Variants in LRRC42 observed in about 807,000 individuals in gnomAD.
LRRC42 encodes the protein leucine rich repeat containing 42.
Under a neutral mutation model 44.3 loss-of-function variants are expected in LRRC42, and 43 were observed. That is an observed-to-expected ratio of 0.97 (90% CI 0.76 to 1.25). LRRC42 has a LOEUF of 1.25. LRRC42 is among the 50% of genes most tolerant of loss of function. The pLI is 0.00. For missense variants in LRRC42, 540 were observed against 509.1 expected (o/e 1.06, Z -0.58); for synonymous variants, 207 against 195.2 (o/e 1.06, Z -0.50).
intron 2 of LRRC42, among the ~76,000 whole-genome samples, chr1:53,951,224 T>G (rs183228360): frequency 3.9e-5 from 6 of 152,388 alleles, no homozygotes; most frequent in African/African-American, 1.2e-4. Context: ...ATTCATAATT[T>G]TAATGGCTTT....
Position 53,966,395 on chromosome 1 carries a change from T to G in LRRC42, c.1012+15T>G. 1 of 1,606,002 alleles carries G rather than the reference T, an allele frequency of 6.2e-7. No individual in the cohort carries two copies. Among genetic ancestry groups the G allele is most frequent in the Non-Finnish European group, 8.5e-7 (1 of 1,172,894 alleles). ...TCAGCGCTTCTGTGAGAAATTCCCTTTCCTTTGAAGTTTTTTGCCCTTTAT... is the reference window on the plus strand; with the variant it reads ...TCAGCGCTTCTGTGAGAAATTCCCTGTCCTTTGAAGTTTTTTGCCCTTTAT... On this transcript the variant is annotated intron_variant, in intron 8 of 8. Coordinates refer to ENST00000371370, the MANE Select transcript of LRRC42 (RefSeq NM_001256409.2).
intron 1 of LRRC42, among the ~76,000 whole-genome samples, chr1:53,947,538 G>T (rs1654542410): frequency 6.6e-6 from 1 of 152,160 alleles, no homozygotes; most frequent in East Asian, 1.9e-4. Context: ...AGGTTTTTAT[G>T]TTAGAAATTT....
chr1:53,961,805 C>A (rs1439529881), intron 5 of LRRC42: 2 of 481,934 alleles, frequency 4.1e-6, no homozygotes, highest in African/African-American at 4.0e-5. Context: ...TCACCCCCAA[C>A]TCCTAGAAAG....
In LRRC42 at chr1:53,946,391, C is replaced by G. The variant is rs1019746966; in HGVS notation, c.-207C>G. On this transcript the variant is annotated 5_prime_UTR_variant, in exon 1 of 9. Coordinates refer to ENST00000371370, the MANE Select transcript of LRRC42 (RefSeq NM_001256409.2). ...CCGCCGGTCCCGCGGTCCCACGGCG[C>G]CTGGTTGCCCCCAGCCCCCTCCCTC... The G allele has an allele frequency of 7.9e-5, 12 of 152,428 alleles. No homozygotes were observed. Among genetic ancestry groups the G allele is most frequent in the Admixed American group, 7.8e-4 (12 of 15,296 alleles). 9.4% of individuals were successfully genotyped at this position (152,428 alleles called of 1,614,324 possible).
chr1:53,950,463 G>A (rs983331972), intron 2 of LRRC42, among the ~76,000 whole-genome samples: 1 of 152,284 alleles, frequency 6.6e-6, no homozygotes, highest in South Asian at 2.1e-4. Context: ...CAGGTTCATT[G>A]TTTCATCTCC....
chr1:53,962,346 C>T lies in LRRC42; in HGVS notation c.864C>T (p.His288=). ...TCCAGACCCACATAGGCCTTGTTCA[C>T]TCCAAAGTGCCTTTGAAGGAATTTG... ...HKLQTHIGLV[H]SKVPLKEFDH... is the part of the protein sequence containing the mutation. Residue 288 remains histidine (H), a synonymous_variant, in exon 7 of 9, where the codon CAC becomes CAT. Coordinates refer to ENST00000371370, the MANE Select transcript of LRRC42 (RefSeq NM_001256409.2). The T allele has an allele frequency of 6.2e-6, 10 of 1,614,204 alleles. No homozygotes were observed. The highest frequency in any genetic ancestry group is 8.5e-6 in the Non-Finnish European group (10 of 1,180,018).
Position 53,964,995 on chromosome 1 carries a change from A to ATTTTTTTTTTTTTT in LRRC42, c.928-1299_928-1298insTTTTTTTTTTTTTT, listed in dbSNP as rs1557649612. On this transcript the variant is annotated intron_variant, in intron 7 of 8. Coordinates refer to ENST00000371370, the MANE Select transcript of LRRC42 (RefSeq NM_001256409.2). ...GCCACTGTGCCTGGCCTGGAACTGTATTGTTTTTTTTTGTTTTTTTTTTTT... is the reference window on the plus strand; with the variant it reads ...GCCACTGTGCCTGGCCTGGAACTGTATTTTTTTTTTTTTTTTGTTTTTTTTTGTTTTTTTTTTTT... 2.4e-4 allele frequency among the ~76,000 whole-genome samples: 33 copies of ATTTTTTTTTTTTTT among 137,702 alleles called. 1 individual carries two copies. Among genetic ancestry groups the ATTTTTTTTTTTTTT allele is most frequent in the African/African-American group, 1.0e-3 (33 of 32,794 alleles). The allele number at this position is 137,702 out of a possible 152,430, so 90.3% of individuals were successfully genotyped here.
chr1:53,963,957 C>A (rs1445736826), intron 7 of LRRC42, among the ~76,000 whole-genome samples: 1 of 125,308 alleles, frequency 8.0e-6, no homozygotes, highest in Non-Finnish European at 1.7e-5. Flanking sequence ...ACCCCCCCCC[C>A]ATCTTCATTG....
At position 53,966,305 on chromosome 1, in the gene LRRC42, C is replaced by T; in HGVS notation, c.937C>T (p.Gln313Ter). ...TEGWADQIVL[Q>*]WERVTAEAVK... is the part of the protein sequence containing the mutation. Reference sequence around the variant, plus strand: ...TCCAAATATGTTTCAGATCGTTCTGCAGTGGGAGCGTGTGACTGCGGAAGC... The same window carrying T: ...TCCAAATATGTTTCAGATCGTTCTGTAGTGGGAGCGTGTGACTGCGGAAGC... Residue 313 changes from glutamine (Q) to a stop codon, truncating the protein, a stop_gained, in exon 8 of 9, where the codon CAG becomes TAG. Coordinates refer to ENST00000371370, the MANE Select transcript of LRRC42 (RefSeq NM_001256409.2). LOFTEE classifies it high-confidence loss of function. 1.2e-6 allele frequency: 2 copies of T among 1,612,360 alleles called. No individual in the cohort carries two copies. Among genetic ancestry groups the T allele is most frequent in the Admixed American group, 1.7e-5 (1 of 60,026 alleles).
intron 4 of LRRC42, among the ~76,000 whole-genome samples, chr1:53,958,887 T>C (rs1313489447): frequency 6.6e-6 from 1 of 151,842 alleles, no homozygotes; most frequent in Non-Finnish European, 1.5e-5. Context: ...CGCCTGGCCC[T>C]ATTTATTTAT....
intron 5 of LRRC42, among the ~76,000 whole-genome samples, chr1:53,960,850 T>C (rs1654975441): frequency 6.6e-6 from 1 of 152,228 alleles, no homozygotes; most frequent in Admixed American, 6.5e-5. Flanking sequence ...GTTTGCCTGA[T>C]GAAAAGCTGG....
intron 2 of LRRC42, among the ~76,000 whole-genome samples, chr1:53,950,938 G>A (rs1654658037): frequency 6.6e-6 from 1 of 152,176 alleles, no homozygotes; most frequent in Admixed American, 6.5e-5. Flanking sequence ...AAATCCTGTT[G>A]CTTTTGGTCT....
At chr1:53,954,163 T>C (rs114778532) in intron 3 of LRRC42, among the ~76,000 whole-genome samples, 3,031 of 152,344 alleles carry the variant, frequency 0.02, 81 homozygotes, top group African/African-American at 0.067. Flanking sequence ...AGAAATGATC[T>C]TTATTTAATC....
intron 3 of LRRC42, among the ~76,000 whole-genome samples, chr1:53,954,053 C>A (rs1417988915): frequency 6.6e-6 from 1 of 152,152 alleles, no homozygotes; most frequent in East Asian, 1.9e-4. Context: ...TATTAAGACG[C>A]ACAATCTGCA....
At chr1:53,962,587 C>T (rs1056975719) in intron 7 of LRRC42, among the ~76,000 whole-genome samples, 178 bp downstream of exon 7, 2 of 152,142 alleles carry the variant, frequency 1.3e-5, no homozygotes, top group Non-Finnish European at 2.9e-5. Context: ...AAAGAATTGG[C>T]GCCAGACCTT....
chr1:53,967,391 T>G (rs17109621), intron 8 of LRRC42, among the ~76,000 whole-genome samples: 2,423 of 152,280 alleles, frequency 0.016, 68 homozygotes, highest in African/African-American at 0.055. Flanking sequence ...CTAGAGGTGA[T>G]TAAACAGAAT....
intron 2 of LRRC42, among the ~76,000 whole-genome samples, chr1:53,950,450 A>G (rs1298060859): frequency 6.6e-6 from 1 of 152,222 alleles, no homozygotes; most frequent in Non-Finnish European, 1.5e-5. Context: ...TGATTCCCAC[A>G]CACAGGTTCA....
intron 7 of LRRC42, among the ~76,000 whole-genome samples, chr1:53,965,963 G>C (rs1655119417): frequency 6.6e-6 from 1 of 152,146 alleles, no homozygotes; most frequent in African/African-American, 2.4e-5. Context: ...AAAGTGTTAT[G>C]ACTAAAGTTT....
intron 2 of LRRC42, among the ~76,000 whole-genome samples, chr1:53,949,898 A>G (rs547482139): frequency 3.0e-4 from 46 of 152,376 alleles, no homozygotes; most frequent in South Asian, 8.3e-4. Flanking sequence ...AGCAGGCCCT[A>G]CAACTGAGAG....
Sources: allele counts gnomAD v4.1 joint callset (sites outside exome capture counted in the v4.1 genomes callset), GRCh38; gene constraint gnomAD v4.1.1; transcripts MANE v1.5; gene names NCBI Gene and HGNC (gene_info 2026-07-23, HGNC 2026-07-21).